Variants in ZNF329 observed in about 807,000 individuals in gnomAD.
ZNF329 encodes the protein zinc finger protein 329.
Under a neutral mutation model 26.6 loss-of-function variants are expected in ZNF329, and 15 were observed. The ratio of observed to expected loss-of-function variants is 0.56; its 90% CI spans 0.38 to 0.87. The LOEUF is 0.87. Among genes scored for constraint, ZNF329 ranks in the 40% least tolerant of loss-of-function variants. The pLI is 0.00. For missense variants in ZNF329, 651 were observed against 651.9 expected (o/e 1.00, Z 0.02); for synonymous variants, 239 against 233.5 (o/e 1.02, Z -0.21).
At chr19:58,152,840 G>A (rs572735175), upstream of ZNF329, among the ~76,000 whole-genome samples, 22 of 151,936 alleles carry the variant, frequency 1.4e-4, no homozygotes, top group East Asian at 4.3e-3. Context: ...CTGGGTGACA[G>A]CTATACTCTC....
chr19:58,141,000 G>A (rs2075172901), intron 3 of ZNF329, among the ~76,000 whole-genome samples: 1 of 149,900 alleles, frequency 6.7e-6, no homozygotes, highest in Non-Finnish European at 1.5e-5. Context: ...CCTCTTAAGT[G>A]GCACATGCCC....
chr19:58,135,086 T>C (rs535578754), intron 3 of ZNF329, among the ~76,000 whole-genome samples: 3 of 152,182 alleles, frequency 2.0e-5, no homozygotes, highest in Non-Finnish European at 4.4e-5. Context: ...GCTCAGATTA[T>C]ATTTAAATTT....
At chr19:58,143,319 G>A (rs557349892) in intron 1 of ZNF329, 121 bp from the exon 2 acceptor site, 3 of 152,152 alleles carry the variant, frequency 2.0e-5, no homozygotes, top group African/African-American at 4.8e-5. Flanking sequence ...GCTAGACCAG[G>A]TACACAGATG....
At chr19:58,153,233 C>T (rs141710864), upstream of ZNF329, among the ~76,000 whole-genome samples, 445 of 152,252 alleles carry the variant, frequency 2.9e-3, 1 homozygote, top group African/African-American at 0.01. Flanking sequence ...CCTCAGCCTC[C>T]AGAGTAGCTG....
At chr19:58,133,873 C>A (rs1227405293) in intron 3 of ZNF329, among the ~76,000 whole-genome samples, 1 of 151,684 alleles carries the variant, frequency 6.6e-6, no homozygotes, top group Non-Finnish European at 1.5e-5. Context: ...TAAATCAAAT[C>A]CAATGCTGAC....
chr19:58,147,453 G>A (rs867581801), intron 1 of ZNF329, among the ~76,000 whole-genome samples: 9 of 146,286 alleles, frequency 6.2e-5, no homozygotes, highest in South Asian at 2.1e-4. Flanking sequence ...CAGCCGCCCC[G>A]TCCGGGAGGT....
chr19:58,138,669 G>A (rs572940929), intron 3 of ZNF329, among the ~76,000 whole-genome samples: 9 of 152,278 alleles, frequency 5.9e-5, no homozygotes, highest in African/African-American at 1.2e-4. Flanking sequence ...CTCCCCGCAC[G>A]TTTGTGAAGG....
At position 58,126,682 on chromosome 19, in the gene ZNF329, C is replaced by T. The variant is rs892163605; in HGVS notation, c.*1196G>A. 1 of 152,112 alleles carries T rather than the reference C, an allele frequency of 6.6e-6. No individual in the cohort carries two copies. The highest frequency in any genetic ancestry group is 1.5e-5 in the Non-Finnish European group (1 of 68,034). 9.4% of individuals were successfully genotyped at this position (152,112 alleles called of 1,614,324 possible). Reference sequence around the variant, plus strand: ...TCAGTCTTTTTTTTTGAAATGGAGTCTCGCTCTGTCACCCAGGCTGGAGTG... The same window carrying T: ...TCAGTCTTTTTTTTTGAAATGGAGTTTCGCTCTGTCACCCAGGCTGGAGTG... On this transcript the variant is annotated 3_prime_UTR_variant, in exon 4 of 4. Coordinates refer to ENST00000598312, the MANE Select transcript of ZNF329 (RefSeq NM_024620.4).
chr19:58,141,889 A>AT (rs1306690144), intron 3 of ZNF329, among the ~76,000 whole-genome samples: 1 of 149,456 alleles, frequency 6.7e-6, no homozygotes, highest in Non-Finnish European at 1.5e-5. Flanking sequence ...GCGAACCTCC[A>AT]TCTCAAAAAA....
intron 1 of ZNF329, among the ~76,000 whole-genome samples, chr19:58,149,315 T>A (rs536597809): frequency 6.6e-6 from 1 of 152,320 alleles, no homozygotes; most frequent in African/African-American, 2.4e-5. Flanking sequence ...GCCATTTTTT[T>A]ATTCCTTTAC....
intron 3 of ZNF329, among the ~76,000 whole-genome samples, chr19:58,134,693 T>C (rs1463721004): frequency 6.6e-6 from 1 of 152,140 alleles, no homozygotes; most frequent in East Asian, 1.9e-4. Context: ...CCCAGCACTT[T>C]GGTAGGCTGA....
intron 1 of ZNF329, among the ~76,000 whole-genome samples, chr19:58,150,113 T>C (rs2146142561): frequency 6.6e-6 from 1 of 152,314 alleles, no homozygotes; most frequent in Non-Finnish European, 1.5e-5. Flanking sequence ...ACTGGAAGAC[T>C]GCACAAAGGA....
intron 1 of ZNF329, among the ~76,000 whole-genome samples, chr19:58,149,847 C>CA (rs1239735160): frequency 3.9e-5 from 6 of 152,142 alleles, no homozygotes; most frequent in Middle Eastern, 3.4e-3. Flanking sequence ...AATTTTGGCT[C>CA]AAAAAATTTA....
At chr19:58,142,918 G>A (rs1221616453) in intron 2 of ZNF329, among the ~76,000 whole-genome samples, 187 bp downstream of exon 2, 1 of 152,108 alleles carries the variant, frequency 6.6e-6, no homozygotes, top group Non-Finnish European at 1.5e-5. Flanking sequence ...TTCAAACTAT[G>A]CAAGCCCCAA....
At chr19:58,133,456 T>G (rs2074993553) in intron 3 of ZNF329, among the ~76,000 whole-genome samples, 1 of 151,904 alleles carries the variant, frequency 6.6e-6, no homozygotes, top group African/African-American at 2.4e-5. Flanking sequence ...TGTGGTGGCA[T>G]GCGCCTGTTA....
intron 3 of ZNF329, among the ~76,000 whole-genome samples, chr19:58,140,874 A>ATT (rs34583536): frequency 0.01 from 1,395 of 133,914 alleles, 34 homozygotes; most frequent in African/African-American, 0.037. Context: ...ATCACACATA[A>ATT]TTTTTTTTTT....
chr19:58,134,690 C>T (rs952851897), intron 3 of ZNF329, among the ~76,000 whole-genome samples: 3 of 152,128 alleles, frequency 2.0e-5, no homozygotes, highest in East Asian at 3.8e-4. Context: ...AATCCCAGCA[C>T]TTTGGTAGGC....
At chr19:58,141,080 T>G (rs929948090) in intron 3 of ZNF329, among the ~76,000 whole-genome samples, 1 of 151,682 alleles carries the variant, frequency 6.6e-6, no homozygotes, top group South Asian at 2.1e-4. Flanking sequence ...GGTCCTAAAC[T>G]CCTAACCTCA....
Position 58,147,898 on chromosome 19 carries a change from C to G in ZNF329, c.-208+2854G>C, listed in dbSNP as rs1264109451. ...CACCACCCCGTCTGGGAGGTGTACCCAACAGCTCAATGAGAACGGGCCATG... is the reference window on the plus strand; with the variant it reads ...CACCACCCCGTCTGGGAGGTGTACCGAACAGCTCAATGAGAACGGGCCATG... On this transcript the variant is annotated intron_variant, in intron 1 of 3. Coordinates refer to ENST00000598312, the MANE Select transcript of ZNF329 (RefSeq NM_024620.4). 4.6e-5 allele frequency among the ~76,000 whole-genome samples: 7 copies of G among 152,014 alleles called. No homozygotes were observed. In the East Asian group the frequency reaches 1.4e-3, roughly 29 times the overall value.
Sources: allele counts gnomAD v4.1 joint callset (sites outside exome capture counted in the v4.1 genomes callset), GRCh38; gene constraint gnomAD v4.1.1; transcripts MANE v1.5; gene names NCBI Gene and HGNC (gene_info 2026-07-23, HGNC 2026-07-21).